Variants in UHRF1 observed in about 807,000 individuals in gnomAD.
UHRF1 encodes the protein ubiquitin like with PHD and ring finger domains 1.
A neutral mutation model predicts 96.5 loss-of-function variants in UHRF1; 9 were observed. That is an observed-to-expected ratio of 0.09 (90% CI 0.06 to 0.16). The LOEUF (loss-of-function observed/expected upper bound fraction) is 0.16. Among genes scored for constraint, UHRF1 ranks in the 10% least tolerant of loss-of-function variants. UHRF1 has a pLI of 1.00. For missense variants in UHRF1, 626 were observed against 1,131.1 expected (o/e 0.55, Z 6.40); for synonymous variants, 455 against 469.9 (o/e 0.97, Z 0.41).
intron 2 of UHRF1, among the ~76,000 whole-genome samples, chr19:4,913,240 A>G (rs1407731493): frequency 7.0e-6 from 1 of 143,720 alleles, no homozygotes; most frequent in African/African-American, 2.6e-5. Context: ...TTAATTAGAC[A>G]TGTACATTGT....
At chr19:4,934,321 A>G (rs2033153869) in intron 5 of UHRF1, among the ~76,000 whole-genome samples, 1 of 152,216 alleles carries the variant, frequency 6.6e-6, no homozygotes, top group Admixed American at 6.5e-5. Context: ...GGCATGAGCC[A>G]CTGCGCCCGG....
At chr19:4,938,757 TTTTTG>T (rs2033295143) in intron 5 of UHRF1, among the ~76,000 whole-genome samples, 4 of 121,908 alleles carry the variant, frequency 3.3e-5, no homozygotes, top group South Asian at 2.8e-4. Context: ...TTTTTTTTTT[TTTTTG>T]AGATAAGGTC....
chr19:4,924,475 G>A (rs922751898), intron 2 of UHRF1, among the ~76,000 whole-genome samples: 3 of 152,128 alleles, frequency 2.0e-5, no homozygotes, highest in African/African-American at 7.2e-5. Flanking sequence ...GTGGAGACGG[G>A]GTTTGGCAAT....
At chr19:4,933,057 G>A (rs1235399299) in intron 5 of UHRF1, 101 bp downstream of exon 5, 8 of 1,304,986 alleles carry the variant, frequency 6.1e-6, no homozygotes, top group South Asian at 5.8e-5. Flanking sequence ...CTGTGTGTGC[G>A]AGGCCCTTAG....
intron 9 of UHRF1, 33 bp downstream of exon 9, chr19:4,944,483 C>T (rs773847596): frequency 6.2e-6 from 10 of 1,609,914 alleles, no homozygotes; most frequent in Admixed American, 3.3e-5. Flanking sequence ...CCAGGGGCCA[C>T]GCGGGCTCAT....
At chr19:4,914,078 G>T (rs985534450) in intron 2 of UHRF1, among the ~76,000 whole-genome samples, 1 of 151,806 alleles carries the variant, frequency 6.6e-6, no homozygotes, top group Non-Finnish European at 1.5e-5. Context: ...CCCCCACCTT[G>T]GCCTCCCAAA....
chr19:4,908,635 G>A (rs915343206), upstream of UHRF1, among the ~76,000 whole-genome samples: 4 of 152,190 alleles, frequency 2.6e-5, no homozygotes, highest in African/African-American at 7.2e-5. Flanking sequence ...GAGGCCCACC[G>A]CAGTGGCCCC....
intron 15 of UHRF1, among the ~76,000 whole-genome samples, chr19:4,956,285 T>TG (rs1174775977): frequency 6.6e-6 from 1 of 152,202 alleles, no homozygotes; most frequent in East Asian, 1.9e-4. Flanking sequence ...GGGCTGGTCT[T>TG]GAACACCTGG....
chr19:4,916,235 G>A (rs2032494451), intron 2 of UHRF1, among the ~76,000 whole-genome samples: 1 of 152,012 alleles, frequency 6.6e-6, no homozygotes, highest in South Asian at 2.1e-4. Flanking sequence ...GAGCCTGAAA[G>A]GTTGAGGCTG....
chr19:4,961,542 A>G lies in UHRF1; in HGVS notation c.*739A>G, dbSNP rs1415347769. ...CGCTGTCCGACGAAGGCGGCCACGG[A>G]CGGACGCCAGCACACGAAGTCACGT... is the stretch of plus-strand genomic sequence containing the variant. On this transcript the variant is annotated 3_prime_UTR_variant, in exon 17 of 17. Transcript: ENST00000650932. 1.3e-5 allele frequency: 2 copies of G among 152,502 alleles called. No homozygotes were observed. Among genetic ancestry groups the G allele is most frequent in the Admixed American group, 1.3e-4 (2 of 15,266 alleles). The allele number at this position is 152,502 out of a possible 1,614,324, so 9.4% of individuals were successfully genotyped here.
At chr19:4,920,734 G>A (rs1425040679) in intron 2 of UHRF1, among the ~76,000 whole-genome samples, 1 of 152,152 alleles carries the variant, frequency 6.6e-6, no homozygotes, top group East Asian at 1.9e-4. Context: ...GGATCATTTT[G>A]AAGTGAGTTA....
intron 11 of UHRF1, among the ~76,000 whole-genome samples, chr19:4,947,661 T>G (rs2033609860): frequency 6.6e-6 from 1 of 151,916 alleles, no homozygotes; most frequent in Non-Finnish European, 1.5e-5. Flanking sequence ...CCACCTCGCC[T>G]GGCTAATTTT....
intron 9 of UHRF1, among the ~76,000 whole-genome samples, chr19:4,945,206 G>A (rs2033526808): frequency 1.3e-5 from 2 of 152,168 alleles, no homozygotes; most frequent in Non-Finnish European, 2.9e-5. Context: ...CACCTCAACC[G>A]GCCTAATGAA....
intron 16 of UHRF1, among the ~76,000 whole-genome samples, chr19:4,958,165 C>T (rs914863110): frequency 6.6e-6 from 1 of 152,230 alleles, no homozygotes; most frequent in African/African-American, 2.4e-5. Flanking sequence ...GCCTGAGTCC[C>T]TTCAGCTGTG....
At chr19:4,919,417 C>G (rs1430116776) in intron 2 of UHRF1, among the ~76,000 whole-genome samples, 1 of 152,064 alleles carries the variant, frequency 6.6e-6, no homozygotes, top group South Asian at 2.1e-4. Context: ...ATTCTCCTGC[C>G]TCAGCCTCCC....
intron 2 of UHRF1, among the ~76,000 whole-genome samples, chr19:4,915,927 G>A (rs890909018): frequency 4.6e-5 from 7 of 152,124 alleles, no homozygotes; most frequent in African/African-American, 1.7e-4. Context: ...GTTCTCAAAC[G>A]GATTTCAGGA....
At chr19:4,935,207 A>G (rs2033180270) in intron 5 of UHRF1, among the ~76,000 whole-genome samples, 1 of 152,068 alleles carries the variant, frequency 6.6e-6, no homozygotes, top group Non-Finnish European at 1.5e-5. Context: ...ACCTCAGGCG[A>G]TCCACCCACC....
intron 16 of UHRF1, among the ~76,000 whole-genome samples, chr19:4,957,587 T>G (rs1186101360): frequency 6.6e-6 from 1 of 152,030 alleles, no homozygotes; most frequent in East Asian, 1.9e-4. Context: ...GGATTACAGG[T>G]GTAAGCCACC....
In UHRF1 at chr19:4,930,352, C is replaced by G. The variant is rs1260791176; in HGVS notation, c.409-364C>G. The stretch of plus-strand genomic sequence containing the variant: ...TGAATTCCGGGGCTCAAGCGATCCA[C>G]CTGCCTCGGCCTCCCAAAGTGCTGG... On this transcript the variant is annotated intron_variant, in intron 3 of 16. Transcript: ENST00000650932. This position sits in a 1 kb window ranked among gnomAD's most constrained non-coding sequence, Gnocchi z 4.4. 6.6e-6 allele frequency among the ~76,000 whole-genome samples: 1 copy of G among 152,248 alleles called. No homozygotes were observed. The highest frequency in any genetic ancestry group is 2.4e-5 in the African/African-American group (1 of 41,462).
Sources: allele counts gnomAD v4.1 joint callset (sites outside exome capture counted in the v4.1 genomes callset), GRCh38; gene constraint gnomAD v4.1.1; non-coding constraint Gnocchi (gnomAD v3.1); transcripts MANE v1.5; gene names NCBI Gene and HGNC (gene_info 2026-07-23, HGNC 2026-07-21).